The following ADGRL3 variants were observed in gnomAD, a reference collection of about 807,000 sequenced individuals.
The protein encoded by ADGRL3 is calcium-independent alpha-latrotoxin receptor 3.
ADGRL3 carries 62 observed loss-of-function variants against 153.5 expected under a neutral mutation model. The ratio of observed to expected loss-of-function variants is 0.40; its 90% CI spans 0.33 to 0.50. ADGRL3 has a LOEUF of 0.50. ADGRL3 is among the 20% of genes least tolerant of loss of function. ADGRL3 has a pLI of 0.47. For missense variants in ADGRL3, 1,641 were observed against 1,859.4 expected, an observed-to-expected ratio of 0.88 and a Z score of 2.16; for synonymous variants, 710 against 672.5, an observed-to-expected ratio of 1.06 and a Z score of -0.86.
intron 8 of ADGRL3, among the ~76,000 whole-genome samples, chr4:61,789,341 T>C (rs2097313971): frequency 6.6e-6 from 1 of 151,970 alleles, no homozygotes; most frequent in Admixed American, 6.6e-5. Flanking sequence ...AGGAAGAAAC[T>C]CCTAGAGAGA....
At chr4:61,366,452 A>G (rs2096398873) in intron 1 of ADGRL3, among the ~76,000 whole-genome samples, 1 of 152,160 alleles carries the variant, frequency 6.6e-6, no homozygotes, top group Non-Finnish European at 1.5e-5. Flanking sequence ...ATTTTTTACT[A>G]CTGTATAATA....
intron 21 of ADGRL3, among the ~76,000 whole-genome samples, chr4:62,024,413 A>C (rs1339182539): frequency 6.6e-6 from 1 of 152,096 alleles, no homozygotes; most frequent in Non-Finnish European, 1.5e-5. Flanking sequence ...TCTCCTCTTA[A>C]TACATTTCCT....
intron 1 of ADGRL3, among the ~76,000 whole-genome samples, chr4:61,367,597 A>G (rs1167094291): frequency 1.3e-5 from 2 of 149,402 alleles, no homozygotes; most frequent in Non-Finnish European, 1.5e-5. Context: ...ATAGTATTCC[A>G]TGGTGTATAT....
intron 12 of ADGRL3, 54 bp from the exon 13 acceptor site, chr4:61,912,665 T>C: frequency 2.0e-6 from 3 of 1,491,620 alleles, no homozygotes; most frequent in Non-Finnish European, 2.8e-6. Flanking sequence ...TTTTCTTCTG[T>C]CACTAACTTG....
At chr4:61,921,958 C>T (rs1289321425) in intron 13 of ADGRL3, among the ~76,000 whole-genome samples, 1 of 152,130 alleles carries the variant, frequency 6.6e-6, no homozygotes, top group African/African-American at 2.4e-5. Context: ...CAACTTACCT[C>T]TTCATCAGTA....
chr4:61,675,594 A>G (rs1217090727), intron 5 of ADGRL3, among the ~76,000 whole-genome samples: 3 of 150,978 alleles, frequency 2.0e-5, no homozygotes, highest in Non-Finnish European at 4.4e-5. Flanking sequence ...ATTGCCACAA[A>G]AGTGCCCAAG....
chr4:61,358,415 A>G (rs771229189), intron 1 of ADGRL3, among the ~76,000 whole-genome samples: 67 of 151,858 alleles, frequency 4.4e-4, no homozygotes, highest in Non-Finnish European at 7.8e-4. Context: ...GGCTAACAGG[A>G]TGAAACCCCG....
In ADGRL3 at chr4:61,497,725, A is replaced by C. The variant is rs1281698655; in HGVS notation, c.55+377A>C. Among the ~76,000 whole-genome samples the C allele has an allele frequency of 9.4e-4, 140 of 148,442 alleles. 1 individual carries two copies. Among genetic ancestry groups the C allele is most frequent in the African/African-American group, 3.2e-3 (129 of 40,402 alleles). The stretch of plus-strand genomic sequence containing the variant: ...ATTTTTAGTAGAGACGGGGTTTCAC[A>C]GTGTTAGCCAGGATGGTCTCGATTT... On this transcript the variant is annotated intron_variant, in intron 3 of 26. Coordinates refer to ENST00000683033, the MANE Select transcript of ADGRL3 (RefSeq NM_001387552.1).
chr4:61,318,218 A>G (rs1366665566), intron 1 of ADGRL3, among the ~76,000 whole-genome samples: 1 of 146,454 alleles, frequency 6.8e-6, no homozygotes, highest in African/African-American at 2.6e-5. Flanking sequence ...AAAAAAACAC[A>G]AAACACACAC....
At chr4:61,779,318 G>A (rs1044826730) in intron 8 of ADGRL3, among the ~76,000 whole-genome samples, 4 of 151,764 alleles carry the variant, frequency 2.6e-5, no homozygotes, top group Non-Finnish European at 4.4e-5. Flanking sequence ...CTCTGCGGGG[G>A]GGTGGAGCCC....
chr4:61,737,540 A>C (rs1291317498), intron 8 of ADGRL3, among the ~76,000 whole-genome samples: 1 of 152,164 alleles, frequency 6.6e-6, no homozygotes, highest in East Asian at 1.9e-4. Flanking sequence ...TTCAGTCTTC[A>C]GTCTCGATTT....
At chr4:61,281,867 A>G (rs898087412) in intron 1 of ADGRL3, among the ~76,000 whole-genome samples, 5 of 152,134 alleles carry the variant, frequency 3.3e-5, no homozygotes, top group Non-Finnish European at 5.9e-5. Context: ...AAGTTTAGAA[A>G]GTCTTTTCAG....
Position 61,892,786 on chromosome 4 carries a change from C to A in ADGRL3, c.1611C>A (p.Thr537=). 1.2e-6 allele frequency: 2 copies of A among 1,613,602 alleles called. No individual in the cohort carries two copies. Among genetic ancestry groups the A allele is most frequent in the South Asian group, 1.1e-5 (1 of 91,074 alleles). The part of the protein sequence containing the change: ...VSGRRNRSTS[T]PSPAVEVLDD... ...GAAGAAGAAACCGGAGTACTAGTACCCCATCTCCAGCTGTCGAGGTACTTG... is the reference window on the plus strand; with the variant it reads ...GAAGAAGAAACCGGAGTACTAGTACACCATCTCCAGCTGTCGAGGTACTTG... The change falls in exon 10 of 27, where the codon ACC becomes ACA. Residue 537 remains threonine, a synonymous_variant. Transcript: ENST00000683033.
intron 5 of ADGRL3, among the ~76,000 whole-genome samples, chr4:61,643,797 G>A (rs1324089385): frequency 6.9e-6 from 1 of 145,062 alleles, no homozygotes; most frequent in Admixed American, 7.0e-5. Context: ...GATGATGCTG[G>A]CCTCATAAAA....
At chr4:61,758,173 C>A (rs991483904) in intron 8 of ADGRL3, among the ~76,000 whole-genome samples, 2 of 152,114 alleles carry the variant, frequency 1.3e-5, no homozygotes, top group African/African-American at 4.8e-5. Flanking sequence ...TCCCTGTTAA[C>A]CTGATTCAAT....
chr4:61,785,466 C>T (rs2097265836), intron 8 of ADGRL3, among the ~76,000 whole-genome samples: 1 of 152,206 alleles, frequency 6.6e-6, no homozygotes, highest in South Asian at 2.1e-4. Context: ...TTGTTACCTA[C>T]CTTCTAACAT....
chr4:61,980,692 C>T (rs1299101881), intron 18 of ADGRL3, among the ~76,000 whole-genome samples: 1 of 152,140 alleles, frequency 6.6e-6, no homozygotes, highest in Non-Finnish European at 1.5e-5. Flanking sequence ...CCACCCGCCT[C>T]AGCCTCCCAA....
chr4:61,856,285 TTCTC>T (rs1361940441), intron 9 of ADGRL3, among the ~76,000 whole-genome samples: 5 of 151,726 alleles, frequency 3.3e-5, no homozygotes, highest in Non-Finnish European at 7.4e-5. Flanking sequence ...CTTTCCTTCT[TTCTC>T]TTATTTCCTT....
chr4:61,700,614 A>G (rs1348664908), intron 6 of ADGRL3, among the ~76,000 whole-genome samples: 2 of 152,298 alleles, frequency 1.3e-5, no homozygotes, highest in Middle Eastern at 3.4e-3. Flanking sequence ...GTAGTAGAGA[A>G]AAGTGGACAG....
Sources: allele counts gnomAD v4.1 joint callset (sites outside exome capture counted in the v4.1 genomes callset), GRCh38; gene constraint gnomAD v4.1.1; transcripts MANE v1.5; gene names NCBI Gene and HGNC (gene_info 2026-07-23, HGNC 2026-07-21).